PFKFB3: variants seen among roughly 807,000 people sequenced by gnomAD.
The protein encoded by PFKFB3 is 6-phosphofructo-2-kinase/fructose-2,6-biphosphatase 3.
PFKFB3 carries 33 observed loss-of-function variants against 68.0 expected under a neutral mutation model. The ratio of observed to expected loss-of-function variants is 0.49; its 90% CI spans 0.37 to 0.65. The LOEUF (loss-of-function observed/expected upper bound fraction) is 0.65, where lower values mean the gene tolerates loss of function less well. Ranked by LOEUF, PFKFB3 falls within the 30% of genes least tolerant of loss-of-function variation. The probability of loss-of-function intolerance (pLI) is 0.00; values close to 1 mark genes in which losing one functional copy is unlikely to be tolerated. For synonymous variants in PFKFB3, 315 were observed against 288.2 expected, an observed-to-expected ratio of 1.09 and a Z score of -0.94; for missense variants, 586 against 712.2, an observed-to-expected ratio of 0.82 and a Z score of 2.02.
chr10:6,153,766 A>T (rs1841676392), intron 1 of PFKFB3, among the ~76,000 whole-genome samples: 1 of 151,692 alleles, frequency 6.6e-6, no homozygotes, highest in Admixed American at 6.6e-5. Flanking sequence ...GAGGCAGGAG[A>T]ATTGCTTGAA....
the PFKFB3 span, among the ~76,000 whole-genome samples, chr10:6,307,822 C>T: frequency 3.3e-5 from 5 of 152,166 alleles, no homozygotes; most frequent in South Asian, 2.1e-4. Context: ...CTTAATGCAG[C>T]GGTGTTGAGA....
At chr10:6,275,653 C>T in the PFKFB3 span, among the ~76,000 whole-genome samples, 1 of 152,098 alleles carries the variant, frequency 6.6e-6, no homozygotes, top group Non-Finnish European at 1.5e-5. The surrounding 1 kb of genome is among the most constrained non-coding windows in gnomAD (Gnocchi z 4.9). Flanking sequence ...GATGGAGTCA[C>T]GTTCTGTCAC....
Position 6,203,126 on chromosome 10 carries a change from G to C in PFKFB3, c.-135G>C, listed in dbSNP as rs930217925. The C allele has an allele frequency of 6.1e-6, 9 of 1,486,408 alleles. No homozygotes were observed. Among genetic ancestry groups the C allele is most frequent in the Middle Eastern group, 2.4e-4 (1 of 4,164 alleles). 92.1% of individuals were successfully genotyped at this position (1,486,408 alleles called of 1,614,324 possible). A position where few individuals can be genotyped will look rare whatever the true frequency, so the allele number is the denominator to read the frequency against. On this transcript the variant is annotated 5_prime_UTR_variant, in exon 1 of 15. Coordinates refer to ENST00000379775, the MANE Select transcript of PFKFB3 (RefSeq NM_004566.4). ...CTTAGCCCAAAGCACGTTTCCCCTG[G>C]CAGCGCAGGAAACGCCCGGCCGCGC...
chr10:6,249,262 A>G (rs1588569034), intron 14 of PFKFB3, among the ~76,000 whole-genome samples: 1 of 151,994 alleles, frequency 6.6e-6, no homozygotes, highest in Admixed American at 6.6e-5. Flanking sequence ...TACAGCCACT[A>G]TGAAAAATTG....
rs1052413647 is a variant in PFKFB3, at chr10:6,228,884, A to C, written c.1515+2519A>C. Reference sequence around the variant, plus strand: ...ATGTGGTCACTTCTGCTCCTCCCAGAGCTCTCTGCAGAGTTTCAGGTTCAG... The same window carrying C: ...ATGTGGTCACTTCTGCTCCTCCCAGCGCTCTCTGCAGAGTTTCAGGTTCAG... On this transcript the variant is annotated intron_variant, in intron 14 of 14. Coordinates refer to ENST00000379775, the MANE Select transcript of PFKFB3 (RefSeq NM_004566.4). The surrounding 1 kb of genome is among the most constrained non-coding windows in gnomAD (Gnocchi z 4.5). Among the ~76,000 whole-genome samples, 2 of 152,062 alleles carry C rather than the reference A, an allele frequency of 1.3e-5. No homozygotes were observed. The highest frequency in any genetic ancestry group is 4.8e-5 in the African/African-American group (2 of 41,404).
chr10:6,262,320 G>C, the PFKFB3 span, among the ~76,000 whole-genome samples: 1 of 151,010 alleles, frequency 6.6e-6, no homozygotes, highest in Non-Finnish European at 1.5e-5. Context: ...CGGGTGGGGT[G>C]GGGGGTGCCT....
rs747176453 is a variant in PFKFB3, at chr10:6,213,682, C to T, written c.136C>T (p.Arg46Trp). The change falls in exon 2 of 15, where the codon CGG becomes TGG. Residue 46 changes from arginine to tryptophan, a missense_variant. Coordinates refer to ENST00000379775, the MANE Select transcript of PFKFB3 (RefSeq NM_004566.4). ...TVIVMVGLPA[R>W]GKTYISKKLT... ...CATCGTCATGGTGGGCCTCCCCGCC[C>T]GGGGCAAGACCTACATCTCCAAGAA... The T allele has an allele frequency of 2.2e-5, 36 of 1,613,504 alleles. No homozygotes were observed. Among genetic ancestry groups the T allele is most frequent in the South Asian group, 3.3e-5 (3 of 90,940 alleles).
intron 1 of PFKFB3, among the ~76,000 whole-genome samples, chr10:6,169,333 C>T (rs773028763): frequency 3.9e-5 from 6 of 152,116 alleles, no homozygotes; most frequent in African/African-American, 7.2e-5. Context: ...CTTAGTCTTA[C>T]GCAGGGAGGA....
intron 1 of PFKFB3, among the ~76,000 whole-genome samples, chr10:6,197,426 C>G (rs558914445): frequency 6.6e-6 from 1 of 152,308 alleles, no homozygotes; most frequent in East Asian, 1.9e-4. Flanking sequence ...TAGGCTCTGC[C>G]ATCTAGGTTT....
Position 6,235,177 on chromosome 10 carries a change from C to T in PFKFB3, c.*2235C>T, listed in dbSNP as rs2132066025. On this transcript the variant is annotated 3_prime_UTR_variant, in exon 15 of 15. Transcript: ENST00000379775. ...CCCCCTCCTTATTCTGTCCTGAGAC[C>T]ACGGGCAAAGCTCTTCATTTTGAGA... is the stretch of plus-strand genomic sequence containing the variant. The T allele has an allele frequency of 6.5e-6, 1 of 152,802 alleles. No individual in the cohort carries two copies. The highest frequency in any genetic ancestry group is 2.1e-4 in the South Asian group (1 of 4,802). The allele number at this position is 152,802 out of a possible 1,614,324, so 9.5% of individuals were successfully genotyped here. A position where few individuals can be genotyped will look rare whatever the true frequency, so the allele number is the denominator to read the frequency against.
the PFKFB3 span, among the ~76,000 whole-genome samples, chr10:6,262,283 T>A: frequency 6.6e-6 from 1 of 150,920 alleles, no homozygotes; most frequent in African/African-American, 2.4e-5. Context: ...TGAAACCCTG[T>A]CTCTACTAAA....
intron 1 of PFKFB3, among the ~76,000 whole-genome samples, chr10:6,173,421 G>A (rs1181975276): frequency 6.6e-6 from 1 of 152,202 alleles, no homozygotes; most frequent in Non-Finnish European, 1.5e-5. Context: ...TTACAGCACC[G>A]CTTCCTGTGA....
intron 1 of PFKFB3, among the ~76,000 whole-genome samples, chr10:6,213,200 G>T (rs867439641): frequency 1.3e-5 from 2 of 152,282 alleles, no homozygotes; most frequent in Middle Eastern, 3.4e-3. Context: ...TCCCACTGTG[G>T]TACAATGCCA....
chr10:6,311,436 A>T, the PFKFB3 span, among the ~76,000 whole-genome samples: 2 of 152,072 alleles, frequency 1.3e-5, no homozygotes, highest in Non-Finnish European at 2.9e-5. Context: ...ACCTACCAGC[A>T]AGCCACTACA....
intron 14 of PFKFB3, chr10:6,245,732 G>A (rs7906455): frequency 0.85 from 129,287 of 152,202 alleles, 55,641 homozygotes; most frequent in Non-Finnish European, 0.91. Context: ...TTTTATTTTT[G>A]AAGGCTAGTC....
At chr10:6,237,712 T>C (rs1000507538), downstream of PFKFB3, among the ~76,000 whole-genome samples, 34 of 152,118 alleles carry the variant, frequency 2.2e-4, 1 homozygote, top group African/African-American at 7.7e-4. Flanking sequence ...ACTACAGGCA[T>C]GTGCCACCAC....
intron 1 of PFKFB3, among the ~76,000 whole-genome samples, chr10:6,160,544 A>G (rs117764082): frequency 6.6e-6 from 1 of 152,030 alleles, no homozygotes; most frequent in Non-Finnish European, 1.5e-5. Flanking sequence ...ACAGTGAAAC[A>G]CTGTATACTA....
chr10:6,254,397 A>G, exon 15 of PFKFB3: 1 of 398,386 alleles, frequency 2.5e-6, no homozygotes, highest in Non-Finnish European at 4.4e-6. Context: ...AGACCAATTA[A>G]CCTGAGCTGC....
chr10:6,265,706 T>G, the PFKFB3 span, among the ~76,000 whole-genome samples: 143,519 of 152,092 alleles, frequency 0.94, 68,114 homozygotes, highest in Non-Finnish European at 1. Context: ...GAAACACTGG[T>G]GCCACGAAGA....
Sources: gnomAD v4.1 joint callset for allele counts (sites outside exome capture counted in the v4.1 genomes callset) on GRCh38, gnomAD v4.1.1 for gene constraint, Gnocchi (gnomAD v3.1) non-coding constraint, MANE v1.5 for transcripts, NCBI Gene and HGNC (gene_info 2026-07-23, HGNC 2026-07-21) for gene names.